The following SORCS2 variants were observed in gnomAD, a reference collection of about 807,000 sequenced individuals.
SORCS2 encodes sortilin related VPS10 domain containing receptor 2.
SORCS2 carries 100 observed loss-of-function variants against 141.6 expected under a neutral mutation model. That is an observed-to-expected ratio of 0.71 (90% CI 0.60 to 0.83). The LOEUF (loss-of-function observed/expected upper bound fraction) is 0.83, where lower values mean the gene tolerates loss of function less well. Among genes scored for constraint, SORCS2 ranks in the 40% least tolerant of loss-of-function variants. The probability of loss-of-function intolerance (pLI) is 0.00; values close to 1 mark genes in which losing one functional copy is unlikely to be tolerated. For missense variants in SORCS2, 1,646 were observed against 1,560.2 expected, an observed-to-expected ratio of 1.05 and a Z score of -0.93; for synonymous variants, 789 against 676.9, an observed-to-expected ratio of 1.17 and a Z score of -2.57.
intron 1 of SORCS2, among the ~76,000 whole-genome samples, chr4:7,375,369 C>T (rs1173385614): frequency 6.6e-6 from 1 of 152,254 alleles, no homozygotes; most frequent in Non-Finnish European, 1.5e-5. Flanking sequence ...TGTCTCTGGG[C>T]ATGGAAACTC....
chr4:7,654,615 C>T (rs957185921), intron 5 of SORCS2, among the ~76,000 whole-genome samples: 28 of 152,188 alleles, frequency 1.8e-4, no homozygotes, highest in Non-Finnish European at 3.7e-4. Flanking sequence ...CCCTGCCCGA[C>T]CCCAGGCCCT....
At chr4:7,454,314 G>GTGTGTTGGGGTCAGGTGC (rs1728712436) in intron 2 of SORCS2, among the ~76,000 whole-genome samples, 2 of 120,250 alleles carry the variant, frequency 1.7e-5, no homozygotes, top group Admixed American at 8.1e-5. Flanking sequence ...GTTAGGAGCT[G>GTGTGTTGGGGTCAGGTGC]TGTGTTGGGG....
Position 7,666,468 on chromosome 4 carries a change from C to T in SORCS2, c.1072-656C>T, listed in dbSNP as rs537357238. 4.5e-4 allele frequency among the ~76,000 whole-genome samples: 69 copies of T among 152,226 alleles called. 1 individual carries two copies. Among genetic ancestry groups the T allele is most frequent in the Non-Finnish European group, 8.4e-4 (57 of 68,044 alleles). On this transcript the variant is annotated intron_variant, in intron 7 of 26. Transcript: ENST00000507866. ...CCCTCTCCCTTCCTCCCTCCTCCCA[C>T]CCTGGTCCTCAGAGGATCTGGGAGC... is the stretch of plus-strand genomic sequence containing the variant.
At chr4:7,530,877 G>A (rs1711578265) in intron 2 of SORCS2, among the ~76,000 whole-genome samples, 1 of 152,202 alleles carries the variant, frequency 6.6e-6, no homozygotes, top group African/African-American at 2.4e-5. Flanking sequence ...CTGTCTCCCA[G>A]CACGAGTCCA....
Position 7,580,122 on chromosome 4 carries a change from A to G in SORCS2, c.648+48493A>G, listed in dbSNP as rs1057421079. Reference sequence around the variant, plus strand: ...CCAGGCTTACTGCAAAACCTTTCCAATTCATATAGTAACTTGTCATTTTCT... The same window carrying G: ...CCAGGCTTACTGCAAAACCTTTCCAGTTCATATAGTAACTTGTCATTTTCT... On this transcript the variant is annotated intron_variant, in intron 3 of 26. Transcript: ENST00000507866. Among the ~76,000 whole-genome samples the G allele has an allele frequency of 2.6e-5, 4 of 152,238 alleles. No individual in the cohort carries two copies. The East Asian group carries it at 5.8e-4, about 22-fold the overall frequency.
intron 3 of SORCS2, among the ~76,000 whole-genome samples, chr4:7,562,521 T>A (rs1714676099): frequency 6.6e-6 from 1 of 152,218 alleles, no homozygotes; most frequent in Non-Finnish European, 1.5e-5. Context: ...GTACATACTT[T>A]AAGCTTTAGG....
chr4:7,710,546 T>G (rs555462594), intron 14 of SORCS2, among the ~76,000 whole-genome samples: 1 of 152,282 alleles, frequency 6.6e-6, no homozygotes, highest in Non-Finnish European at 1.5e-5. Flanking sequence ...AGATGCTGTT[T>G]AAGAGACCAA....
At chr4:7,406,029 A>G (rs529937536) in intron 2 of SORCS2, among the ~76,000 whole-genome samples, 84 of 151,898 alleles carry the variant, frequency 5.5e-4, no homozygotes, top group African/African-American at 1.9e-3. Flanking sequence ...CCTAGTTTGT[A>G]TGTGATGTAT....
chr4:7,704,409 G>A, intron 14 of SORCS2, 125 bp downstream of exon 14: 1 of 848,354 alleles, frequency 1.2e-6, no homozygotes, highest in Non-Finnish European at 1.8e-6. Context: ...ACCTGCCCCA[G>A]GTCCCCTTGC....
chr4:7,405,137 C>A (rs1476065393), intron 2 of SORCS2, among the ~76,000 whole-genome samples: 1 of 152,048 alleles, frequency 6.6e-6, no homozygotes, highest in East Asian at 1.9e-4. Flanking sequence ...ATGTTTTTGT[C>A]AGCTTTGGCA....
chr4:7,529,291 A>C, intron 2 of SORCS2, among the ~76,000 whole-genome samples: 3 of 143,500 alleles, frequency 2.1e-5, no homozygotes, highest in African/African-American at 5.3e-5. Context: ...CTCACCCTCC[A>C]CCCGCACCCC....
At chr4:7,561,698 ACCATCCATTCATCTAC>A (rs1330464537) in intron 3 of SORCS2, among the ~76,000 whole-genome samples, 1 of 151,288 alleles carries the variant, frequency 6.6e-6, no homozygotes, top group Non-Finnish European at 1.5e-5. Context: ...CCATTTATCT[ACCATCCATTCATCTAC>A]CCATCCATCT....
At chr4:7,410,853 C>T (rs1725253761) in intron 2 of SORCS2, among the ~76,000 whole-genome samples, 1 of 150,832 alleles carries the variant, frequency 6.6e-6, no homozygotes, top group Non-Finnish European at 1.5e-5. Flanking sequence ...TTAAAATGTT[C>T]TGGGACAAGA....
chr4:7,307,516 G>T (rs974913787), intron 1 of SORCS2, among the ~76,000 whole-genome samples: 21 of 152,222 alleles, frequency 1.4e-4, no homozygotes, highest in Non-Finnish European at 3.1e-4. Context: ...TGGCCGCTTG[G>T]GGGTGGGGAA....
At chr4:7,372,895 C>T (rs963684236) in intron 1 of SORCS2, among the ~76,000 whole-genome samples, 2 of 151,894 alleles carry the variant, frequency 1.3e-5, no homozygotes, top group Non-Finnish European at 1.5e-5. Flanking sequence ...CATGTCTGTT[C>T]GTGACGTCAG....
chr4:7,280,622 T>A (rs1174924182), intron 1 of SORCS2, among the ~76,000 whole-genome samples: 1 of 152,228 alleles, frequency 6.6e-6, no homozygotes, highest in African/African-American at 2.4e-5. Context: ...TGTCAGGAAC[T>A]GCCAAACTGT....
At chr4:7,442,632 A>C (rs1577570807) in intron 2 of SORCS2, among the ~76,000 whole-genome samples, 11 of 39,498 alleles carry the variant, frequency 2.8e-4, no homozygotes, top group South Asian at 9.3e-4. Flanking sequence ...ATGACCCTCC[A>C]CCCCCTCCCC....
intron 2 of SORCS2, among the ~76,000 whole-genome samples, chr4:7,502,788 A>G (rs555528548): frequency 9.5e-6 from 1 of 105,474 alleles, no homozygotes; most frequent in South Asian, 6.2e-4. Context: ...TGCGGGGAGC[A>G]GGGAAGCCGG....
intron 3 of SORCS2, among the ~76,000 whole-genome samples, chr4:7,591,043 G>A (rs1716880945): frequency 1.3e-5 from 2 of 152,198 alleles, no homozygotes; most frequent in South Asian, 2.1e-4. Flanking sequence ...TCTCCCCACA[G>A]CACACTTGGC....
Sources: allele counts gnomAD v4.1 joint callset (sites outside exome capture counted in the v4.1 genomes callset), GRCh38; gene constraint gnomAD v4.1.1; transcripts MANE v1.5; gene names NCBI Gene and HGNC (gene_info 2026-07-23, HGNC 2026-07-21).